NDUFS4: variants seen among roughly 807,000 people sequenced by gnomAD.
NDUFS4 encodes the protein NADH:ubiquinone oxidoreductase subunit S4, also known as NADH dehydrogenase [ubiquinone] iron-sulfur protein 4, mitochondrial.
A neutral mutation model predicts 24.3 loss-of-function variants in NDUFS4; 28 were observed. That is an observed-to-expected ratio of 1.15 (90% CI 0.85 to 1.58). The LOEUF is 1.58. Ranked by LOEUF, NDUFS4 falls within the 40% of genes most tolerant of loss-of-function variation. NDUFS4 has a pLI of 0.00. For missense variants in NDUFS4, 223 were observed against 207.9 expected (o/e 1.07, Z -0.45); for synonymous variants, 93 against 69.7 (o/e 1.34, Z -1.67).
intron 1 of NDUFS4, among the ~76,000 whole-genome samples, chr5:53,593,482 C>G (rs1750038067): frequency 6.6e-6 from 1 of 151,496 alleles, no homozygotes; most frequent in Non-Finnish European, 1.5e-5. Flanking sequence ...TTTTAATGCT[C>G]TTTTCAAAGA....
At chr5:53,565,030 G>A (rs1240981855) in intron 1 of NDUFS4, among the ~76,000 whole-genome samples, 1 of 152,114 alleles carries the variant, frequency 6.6e-6, no homozygotes, top group Non-Finnish European at 1.5e-5. Flanking sequence ...AAAACCACTG[G>A]CCAAATGACT....
intron 1 of NDUFS4, among the ~76,000 whole-genome samples, chr5:53,587,641 A>G (rs944063448): frequency 2.7e-4 from 41 of 150,452 alleles, no homozygotes; most frequent in Admixed American, 8.0e-4. Context: ...ATGTGGTGCT[A>G]TCATGGCTCA....
chr5:53,575,103 G>A (rs1186265607), intron 1 of NDUFS4, among the ~76,000 whole-genome samples: 1 of 152,160 alleles, frequency 6.6e-6, no homozygotes, highest in African/African-American at 2.4e-5. Context: ...AGAAAATGGG[G>A]ATTTTCTATC....
At chr5:53,675,643 C>A (rs1740444760) in intron 4 of NDUFS4, among the ~76,000 whole-genome samples, 1 of 152,068 alleles carries the variant, frequency 6.6e-6, no homozygotes, top group Admixed American at 6.5e-5. Context: ...GATGAAATAC[C>A]AAAGAGCTGT....
At position 53,666,186 on chromosome 5, in the gene NDUFS4, C is replaced by T. The variant is rs190227830; in HGVS notation, c.424+7562C>T. On this transcript the variant is annotated intron_variant, in intron 4 of 4. Transcript: ENST00000296684. ...AGTTCCATTAATTTTTTTATCTTTT[C>T]AGCCTATTATATTTCATGTCTGACA... Among the ~76,000 whole-genome samples, 43 of 152,212 alleles carry T rather than the reference C, an allele frequency of 2.8e-4. 1 individual carries two copies. In the East Asian group the frequency reaches 4.0e-3, roughly 14 times the overall value.
At chr5:53,677,973 A>T (rs1740531034) in intron 4 of NDUFS4, among the ~76,000 whole-genome samples, 1 of 152,174 alleles carries the variant, frequency 6.6e-6, no homozygotes, top group Non-Finnish European at 1.5e-5. Context: ...GAACTGATGG[A>T]TGTTTGTATT....
rs574374837 is a variant in NDUFS4 at position 53,579,672 on chromosome 5, C to T, written c.98+18912C>T. 1.1e-4 allele frequency among the ~76,000 whole-genome samples: 16 copies of T among 152,214 alleles called. No homozygotes were observed. In the South Asian group the frequency reaches 1.7e-3, roughly 16 times the overall value. ...TCGAGGCTTCAGTGAGCTATGATTG[C>T]GCCACTGCACCCCAGCCTGGGTGAC... On this transcript the variant is annotated intron_variant, in intron 1 of 4. Coordinates refer to ENST00000296684, the MANE Select transcript of NDUFS4 (RefSeq NM_002495.4).
At chr5:53,643,650 C>A (rs140030910) in intron 2 of NDUFS4, among the ~76,000 whole-genome samples, 247 of 152,176 alleles carry the variant, frequency 1.6e-3, no homozygotes, top group African/African-American at 5.4e-3. Context: ...AATAGGGTGT[C>A]GTGATGCATT....
chr5:53,677,537 T>C (rs1487780908), intron 4 of NDUFS4, among the ~76,000 whole-genome samples: 1 of 152,222 alleles, frequency 6.6e-6, no homozygotes, highest in East Asian at 1.9e-4. Context: ...CCATATTATG[T>C]ACCTAATTGG....
At chr5:53,676,905 C>T (rs1740490702) in intron 4 of NDUFS4, among the ~76,000 whole-genome samples, 1 of 152,000 alleles carries the variant, frequency 6.6e-6, no homozygotes, top group South Asian at 2.1e-4. Context: ...CTGTCTGTAG[C>T]TAGGGAAGTA....
intron 1 of NDUFS4, among the ~76,000 whole-genome samples, chr5:53,582,284 A>C (rs1012599490): frequency 1.3e-5 from 2 of 152,148 alleles, no homozygotes; most frequent in African/African-American, 4.8e-5. Context: ...TACACATTTA[A>C]GAAAGATGAA....
chr5:53,631,281 A>G (rs2112490280), intron 2 of NDUFS4, among the ~76,000 whole-genome samples: 1 of 152,298 alleles, frequency 6.6e-6, no homozygotes, highest in African/African-American at 2.4e-5. Flanking sequence ...GGCACCTGCC[A>G]GATGCCAGCC....
At chr5:53,624,579 T>A (rs1165254055) in intron 2 of NDUFS4, among the ~76,000 whole-genome samples, 2 of 152,246 alleles carry the variant, frequency 1.3e-5, no homozygotes, top group African/African-American at 4.8e-5. Context: ...AGTATTACAT[T>A]CTTTTCTATG....
intron 1 of NDUFS4, among the ~76,000 whole-genome samples, chr5:53,567,340 T>G (rs1024441302): frequency 2.6e-5 from 4 of 152,208 alleles, no homozygotes; most frequent in African/African-American, 7.2e-5. Context: ...GCCAAGTGTC[T>G]TCTTTATTTG....
chr5:53,564,908 T>C (rs182183612), intron 1 of NDUFS4, among the ~76,000 whole-genome samples: 2 of 152,366 alleles, frequency 1.3e-5, no homozygotes, highest in East Asian at 3.9e-4. Flanking sequence ...ATTATTGGTT[T>C]GAATGGCCTG....
chr5:53,562,010 C>G (rs1192463048), intron 1 of NDUFS4, among the ~76,000 whole-genome samples: 2 of 146,228 alleles, frequency 1.4e-5, no homozygotes, highest in African/African-American at 2.5e-5. Context: ...TTTTCTTTCT[C>G]TTTTTTTTTT....
intron 2 of NDUFS4, among the ~76,000 whole-genome samples, chr5:53,610,366 A>G (rs1471354046): frequency 3.9e-5 from 6 of 152,152 alleles, no homozygotes; most frequent in Non-Finnish European, 8.8e-5. Flanking sequence ...CCCCAAAACA[A>G]TTACAATAGT....
At chr5:53,631,775 T>C (rs1405557645) in intron 2 of NDUFS4, among the ~76,000 whole-genome samples, 1 of 152,192 alleles carries the variant, frequency 6.6e-6, no homozygotes, top group African/African-American at 2.4e-5. Flanking sequence ...GCGCTAGCCA[T>C]GAGAATTTCA....
chr5:53,646,672 A>G (rs1427091060), intron 3 of NDUFS4, among the ~76,000 whole-genome samples: 1 of 150,802 alleles, frequency 6.6e-6, no homozygotes, highest in Non-Finnish European at 1.5e-5. Flanking sequence ...CTGTTATGGA[A>G]CTCAAAGCTA....
Sources: allele counts gnomAD v4.1 joint callset (sites outside exome capture counted in the v4.1 genomes callset), GRCh38; gene constraint gnomAD v4.1.1; transcripts MANE v1.5; gene names NCBI Gene and HGNC (gene_info 2026-07-23, HGNC 2026-07-21).